Variants in CEP85L observed in about 807,000 individuals in gnomAD.
CEP85L encodes the protein centrosomal protein 85L.
CEP85L carries 60 observed loss-of-function variants against 100.3 expected under a neutral mutation model. The ratio of observed to expected loss-of-function variants is 0.60; its 90% CI spans 0.49 to 0.74. The LOEUF is 0.74. Ranked by LOEUF, CEP85L falls within the 30% of genes least tolerant of loss-of-function variation. CEP85L has a pLI of 0.00. For synonymous variants in CEP85L, 319 were observed against 322.7 expected, an observed-to-expected ratio of 0.99 and a Z score of 0.12; for missense variants, 973 against 936.2, an observed-to-expected ratio of 1.04 and a Z score of -0.51.
intron 2 of CEP85L, among the ~76,000 whole-genome samples, chr6:118,583,498 T>C (rs1293503864): frequency 1.3e-5 from 2 of 152,172 alleles, no homozygotes; most frequent in Non-Finnish European, 2.9e-5. Flanking sequence ...AGATATATTC[T>C]AGCTTGCATG....
intron 2 of CEP85L, among the ~76,000 whole-genome samples, chr6:118,625,280 C>T (rs1302370325): frequency 6.6e-6 from 1 of 152,184 alleles, no homozygotes; most frequent in Non-Finnish European, 1.5e-5. Context: ...AAAGGGCACC[C>T]CAAAAGAGTT....
At chr6:118,554,241 T>C (rs1463967738) in intron 3 of CEP85L, among the ~76,000 whole-genome samples, 1 of 152,104 alleles carries the variant, frequency 6.6e-6, no homozygotes, top group Non-Finnish European at 1.5e-5. Context: ...GAGCCACGAT[T>C]GCACAACTGC....
intron 5 of CEP85L, among the ~76,000 whole-genome samples, chr6:118,506,029 G>A (rs1775635009): frequency 6.6e-6 from 1 of 152,072 alleles, no homozygotes; most frequent in Non-Finnish European, 1.5e-5. Flanking sequence ...ATTCAATTTT[G>A]TAGTAAATGT....
chr6:118,540,406 C>T (rs1777841835), intron 3 of CEP85L, among the ~76,000 whole-genome samples: 1 of 152,054 alleles, frequency 6.6e-6, no homozygotes, highest in South Asian at 2.1e-4. Context: ...TAAGAAATAT[C>T]TACACTTAAA....
chr6:118,676,480 C>T (rs1455923920), intron 1 of CEP85L, among the ~76,000 whole-genome samples: 2 of 152,200 alleles, frequency 1.3e-5, no homozygotes, highest in Admixed American at 1.3e-4. Flanking sequence ...AGCATAATGT[C>T]CTCCAGGTAT....
At chr6:118,519,977 G>GTATA (rs1776562317) in intron 4 of CEP85L, among the ~76,000 whole-genome samples, 1 of 152,002 alleles carries the variant, frequency 6.6e-6, no homozygotes, top group Non-Finnish European at 1.5e-5. Flanking sequence ...TAACCAAGCG[G>GTATA]GTATATCCCA....
intron 3 of CEP85L, among the ~76,000 whole-genome samples, chr6:118,535,361 C>T (rs1432190212): frequency 6.6e-6 from 1 of 152,102 alleles, no homozygotes; most frequent in African/African-American, 2.4e-5. Flanking sequence ...TCAGTGGTTG[C>T]CAAGCGGGGT....
chr6:118,523,408 C>T (rs1033940107), intron 4 of CEP85L, among the ~76,000 whole-genome samples: 1 of 152,160 alleles, frequency 6.6e-6, no homozygotes, highest in African/African-American at 2.4e-5. Context: ...TGGCTTCAGA[C>T]CTAGCATACA....
At position 118,479,672 on chromosome 6, in the gene CEP85L, T is replaced by A. The variant is rs142939855; in HGVS notation, c.1914+199A>T. 3.3e-3 allele frequency among the ~76,000 whole-genome samples: 505 copies of A among 152,294 alleles called. 4 individuals are homozygous for A. The highest frequency in any genetic ancestry group is 0.012 in the African/African-American group (488 of 41,570). On this transcript the variant is annotated intron_variant, in intron 10 of 12. Transcript: ENST00000368491. The stretch of plus-strand genomic sequence containing the variant: ...GGGATGTGACTTGTTCACTGATGAA[T>A]CTTTACAATTTTTTAGGATTAATTT...
chr6:118,660,640 T>C (rs890560339), intron 1 of CEP85L, among the ~76,000 whole-genome samples: 1 of 152,244 alleles, frequency 6.6e-6, no homozygotes, highest in Non-Finnish European at 1.5e-5. Context: ...TTCATACTTA[T>C]TTCAGTCAAT....
intron 5 of CEP85L, among the ~76,000 whole-genome samples, chr6:118,510,071 C>T (rs1178392566): frequency 6.6e-6 from 1 of 152,018 alleles, no homozygotes; most frequent in Non-Finnish European, 1.5e-5. Context: ...AACTTGTTTT[C>T]CTATATGGTC....
rs140953213 is a variant in CEP85L at position 118,581,664 on chromosome 6, C to A, written c.233-15348G>T. Among the ~76,000 whole-genome samples, 646 of 152,178 alleles carry A rather than the reference C, an allele frequency of 4.2e-3. 4 individuals are homozygous for A. The highest frequency in any genetic ancestry group is 0.015 in the African/African-American group (617 of 41,490). On this transcript the variant is annotated intron_variant, in intron 2 of 12. Transcript: ENST00000368491. ...ATGCCCCCTACTGTTTTCTTCTCCA[C>A]CCTGAGTCATACACCAAAAGGAAGG... is the stretch of plus-strand genomic sequence containing the variant.
At chr6:118,487,120 A>G (rs1774241071) in intron 6 of CEP85L, among the ~76,000 whole-genome samples, 1 of 152,236 alleles carries the variant, frequency 6.6e-6, no homozygotes, top group African/African-American at 2.4e-5. Flanking sequence ...AAAAATATTA[A>G]GCTAGATTTG....
intron 1 of CEP85L, among the ~76,000 whole-genome samples, chr6:118,700,107 G>A (rs920028620): frequency 6.6e-6 from 1 of 152,182 alleles, no homozygotes; most frequent in Non-Finnish European, 1.5e-5. Flanking sequence ...TTCAACCACA[G>A]AGTATTCTCT....
intron 3 of CEP85L, chr6:118,560,598 A>G (rs890468452): frequency 8.4e-5 from 14 of 167,204 alleles, no homozygotes; most frequent in African/African-American, 3.1e-4. Context: ...TCAAGGGTCA[A>G]CTGTAATAGG....
At chr6:118,555,213 C>T (rs9481826) in intron 3 of CEP85L, among the ~76,000 whole-genome samples, 24,909 of 151,966 alleles carry the variant, frequency 0.16, 2,195 homozygotes, top group Non-Finnish European at 0.19. Context: ...GGGTGGATCA[C>T]GAGGTCGGGA....
chr6:118,606,536 T>C (rs1047855528), intron 2 of CEP85L, among the ~76,000 whole-genome samples: 5 of 151,242 alleles, frequency 3.3e-5, no homozygotes, highest in African/African-American at 1.2e-4. Context: ...TTTAATATGA[T>C]TTTTAGAGCT....
chr6:118,648,076 A>C (rs1775317123), intron 1 of CEP85L, among the ~76,000 whole-genome samples: 1 of 152,100 alleles, frequency 6.6e-6, no homozygotes, highest in African/African-American at 2.4e-5. Flanking sequence ...CAACATGGTG[A>C]GACCTTGTCT....
intron 2 of CEP85L, among the ~76,000 whole-genome samples, chr6:118,612,549 C>T (rs1193395719): frequency 6.7e-6 from 1 of 149,712 alleles, no homozygotes; most frequent in Admixed American, 6.7e-5. Flanking sequence ...GTAGTCCCAG[C>T]TACTGGGGAG....
Sources: allele counts gnomAD v4.1 joint callset (sites outside exome capture counted in the v4.1 genomes callset), GRCh38; gene constraint gnomAD v4.1.1; transcripts MANE v1.5; gene names NCBI Gene and HGNC (gene_info 2026-07-23, HGNC 2026-07-21).